Variants in AIG1 observed in about 807,000 individuals in gnomAD.
AIG1 encodes the protein androgen-induced gene 1 protein.
Under a neutral mutation model 31.4 loss-of-function variants are expected in AIG1, and 23 were observed. The ratio of observed to expected loss-of-function variants is 0.73; its 90% CI spans 0.53 to 1.04. The LOEUF is 1.04. AIG1 is among the 50% of genes least tolerant of loss of function. The pLI, the probability that AIG1 is intolerant of heterozygous loss-of-function variation, is 0.00. For synonymous variants in AIG1, 100 were observed against 110.5 expected, an observed-to-expected ratio of 0.90 and a Z score of 0.60; for missense variants, 274 against 295.0, an observed-to-expected ratio of 0.93 and a Z score of 0.52.
intron 2 of AIG1, among the ~76,000 whole-genome samples, chr6:143,156,530 T>C (rs74476253): frequency 0.013 from 2,004 of 152,358 alleles, 44 homozygotes; most frequent in African/African-American, 0.043. Context: ...CATTTCCTTA[T>C]AGTGATTTAT....
intron 3 of AIG1, among the ~76,000 whole-genome samples, chr6:143,169,636 T>A (rs1229714629): frequency 1.3e-5 from 2 of 152,094 alleles, no homozygotes; most frequent in Non-Finnish European, 2.9e-5. Flanking sequence ...ATAACCACAA[T>A]TCTACTCACT....
chr6:143,157,688 T>C (rs1267386574), intron 2 of AIG1, among the ~76,000 whole-genome samples: 1 of 152,124 alleles, frequency 6.6e-6, no homozygotes, highest in Admixed American at 6.6e-5. Flanking sequence ...ATATTTTATT[T>C]ATTTCATAAG....
intron 3 of AIG1, among the ~76,000 whole-genome samples, chr6:143,224,883 T>C (rs972460084): frequency 6.6e-6 from 1 of 152,322 alleles, no homozygotes; most frequent in African/African-American, 2.4e-5. Context: ...ATAGATTCCA[T>C]GTACGTTTGC....
chr6:143,336,857 C>T (rs1279360571), intron 5 of AIG1, among the ~76,000 whole-genome samples: 1 of 152,098 alleles, frequency 6.6e-6, no homozygotes, highest in Non-Finnish European at 1.5e-5. Flanking sequence ...TTATCTGCTT[C>T]CAAAACAGAA....
At chr6:143,086,065 T>C (rs770730841) in intron 1 of AIG1, among the ~76,000 whole-genome samples, 1 of 152,256 alleles carries the variant, frequency 6.6e-6, no homozygotes, top group Non-Finnish European at 1.5e-5. Context: ...CAATGAGGTT[T>C]CCTCTAAAGG....
intron 1 of AIG1, among the ~76,000 whole-genome samples, chr6:143,065,235 T>G (rs545674244): frequency 6.6e-6 from 1 of 152,310 alleles, no homozygotes; most frequent in South Asian, 2.1e-4. Flanking sequence ...TATGTGTAGG[T>G]CACAGGGGTT....
chr6:143,110,160 A>T (rs1781144134), intron 1 of AIG1, among the ~76,000 whole-genome samples: 1 of 151,910 alleles, frequency 6.6e-6, no homozygotes, highest in Admixed American at 6.5e-5. Context: ...CTGTGTCTGG[A>T]CTCTGTGCTG....
At chr6:143,321,709 AG>A (rs1167237052) in intron 4 of AIG1, among the ~76,000 whole-genome samples, 6 of 152,334 alleles carry the variant, frequency 3.9e-5, no homozygotes, top group Middle Eastern at 3.4e-3. Flanking sequence ...TTGGTGGGGC[AG>A]GGAGTTTCTG....
chr6:143,301,456 A>C (rs139897038), intron 4 of AIG1, among the ~76,000 whole-genome samples: 6 of 152,316 alleles, frequency 3.9e-5, no homozygotes, highest in African/African-American at 1.4e-4. Flanking sequence ...GTGTTGGGCC[A>C]TTCTCACGCT....
In AIG1 at chr6:143,185,970, C is replaced by T. The variant is rs112538246; in HGVS notation, c.399+20787C>T. On this transcript the variant is annotated intron_variant, in intron 3 of 5. Transcript: ENST00000357847. ...ATTCATCATAGAACCTTATAGAACC[C>T]TTGTCAAGCTGATTGATTTATAATT... Among the ~76,000 whole-genome samples the T allele has an allele frequency of 8.7e-3, 1,326 of 152,294 alleles. 13 individuals are homozygous for T. Among genetic ancestry groups the T allele is most frequent in the African/African-American group, 0.03 (1,249 of 41,562 alleles).
intron 4 of AIG1, among the ~76,000 whole-genome samples, chr6:143,317,563 A>T (rs1000612284): frequency 2.0e-5 from 3 of 152,176 alleles, no homozygotes; most frequent in African/African-American, 7.2e-5. Flanking sequence ...AAACAGGGAA[A>T]AGTTGAAAGC....
intron 1 of AIG1, among the ~76,000 whole-genome samples, chr6:143,102,259 GC>G (rs1780355242): frequency 6.6e-6 from 1 of 150,806 alleles, no homozygotes; most frequent in Admixed American, 6.6e-5. Flanking sequence ...TCCTCTTTTG[GC>G]ACATCTAATT....
intron 3 of AIG1, among the ~76,000 whole-genome samples, chr6:143,172,771 A>G (rs543424034): frequency 2.6e-5 from 4 of 151,916 alleles, no homozygotes; most frequent in South Asian, 2.1e-4. Flanking sequence ...TAGAGTTTCT[A>G]TTTCTTCCTG....
chr6:143,245,972 C>A (rs527238917), intron 3 of AIG1, among the ~76,000 whole-genome samples: 1 of 151,892 alleles, frequency 6.6e-6, no homozygotes, highest in Non-Finnish European at 1.5e-5. Flanking sequence ...TGTCTTGGGC[C>A]GCACATAAAA....
intron 3 of AIG1, among the ~76,000 whole-genome samples, chr6:143,260,666 G>C (rs781306250): frequency 1.3e-4 from 20 of 152,108 alleles, no homozygotes; most frequent in Admixed American, 2.0e-4. Context: ...TACATTGCCT[G>C]GTTTACTTCA....
chr6:143,219,324 G>T (rs1249225152), intron 3 of AIG1, among the ~76,000 whole-genome samples: 1 of 152,142 alleles, frequency 6.6e-6, no homozygotes, highest in African/African-American at 2.4e-5. Flanking sequence ...CTGCAGTCAG[G>T]CCAGGTGTGG....
intron 2 of AIG1, among the ~76,000 whole-genome samples, chr6:143,143,529 ATAT>A (rs1323196616): frequency 3.4e-5 from 1 of 29,444 alleles, no homozygotes; most frequent in African/African-American, 1.1e-4. Flanking sequence ...AAAAAAAAAA[ATAT>A]ATATATATAT....
chr6:143,208,249 A>G (rs916571888), intron 3 of AIG1, among the ~76,000 whole-genome samples: 2 of 152,164 alleles, frequency 1.3e-5, no homozygotes, highest in South Asian at 2.1e-4. Context: ...TTATCTTTCT[A>G]TAGTATTTTC....
chr6:143,136,490 T>C (rs1783765960), intron 1 of AIG1, among the ~76,000 whole-genome samples: 1 of 152,096 alleles, frequency 6.6e-6, no homozygotes, highest in South Asian at 2.1e-4. Flanking sequence ...AGACATGACA[T>C]AGAAGAAACC....
Sources: allele counts gnomAD v4.1 joint callset (sites outside exome capture counted in the v4.1 genomes callset), GRCh38; gene constraint gnomAD v4.1.1; transcripts MANE v1.5; gene names NCBI Gene and HGNC (gene_info 2026-07-23, HGNC 2026-07-21).